PRKACB: variants seen among roughly 807,000 people sequenced by gnomAD.
The protein encoded by PRKACB is cAMP-dependent protein kinase catalytic subunit beta.
In PRKACB, 16 loss-of-function variants were observed where a neutral mutation model predicts 51.4. That is an observed-to-expected ratio of 0.31 (90% CI 0.21 to 0.47). PRKACB has a LOEUF of 0.47. Ranked by LOEUF, PRKACB falls within the 20% of genes least tolerant of loss-of-function variation. The pLI is 1.00. For missense variants in PRKACB, 309 were observed against 464.5 expected, an observed-to-expected ratio of 0.67 and a Z score of 3.08; for synonymous variants, 147 against 154.4, an observed-to-expected ratio of 0.95 and a Z score of 0.35.
chr1:84,191,145 G>C (rs1006355198), intron 5 of PRKACB, among the ~76,000 whole-genome samples: 1 of 151,976 alleles, frequency 6.6e-6, no homozygotes, highest in African/African-American at 2.4e-5. Context: ...GTGTTTTTGT[G>C]GTAGCAGATA....
At chr1:84,187,456 T>G (rs915698318) in intron 5 of PRKACB, among the ~76,000 whole-genome samples, 1 of 152,142 alleles carries the variant, frequency 6.6e-6, no homozygotes, top group Non-Finnish European at 1.5e-5. Context: ...AACATCAACT[T>G]TCTTGGCTTT....
chr1:84,179,553 T>G (rs146770677), intron 2 of PRKACB, among the ~76,000 whole-genome samples: 272 of 151,992 alleles, frequency 1.8e-3, no homozygotes, highest in Middle Eastern at 6.8e-3. Flanking sequence ...ACTTATAATT[T>G]TTATTAATTA....
chr1:84,130,331 T>C lies in PRKACB; in HGVS notation c.47-48846T>C, dbSNP rs577102428. Among the ~76,000 whole-genome samples the C allele has an allele frequency of 2.6e-3, 395 of 152,026 alleles. 3 individuals are homozygous for C. Among genetic ancestry groups the C allele is most frequent in the Non-Finnish European group, 4.8e-3 (323 of 67,974 alleles). ...TCTGGTCCTGCTTTGAGACAAGATA[T>C]ACTCCTAAAACTGCACTCCTGTGTC... On this transcript the variant is annotated intron_variant, in intron 1 of 8. Transcript: ENST00000370688.
chr1:84,187,788 C>A (rs978498613), intron 5 of PRKACB, among the ~76,000 whole-genome samples: 1 of 152,082 alleles, frequency 6.6e-6, no homozygotes, highest in Non-Finnish European at 1.5e-5. Context: ...ACATAGGAAT[C>A]TTGGATTTAA....
intron 5 of PRKACB, among the ~76,000 whole-genome samples, chr1:84,186,796 C>A (rs1338813238): frequency 6.6e-6 from 1 of 152,040 alleles, no homozygotes; most frequent in Non-Finnish European, 1.5e-5. Context: ...ACCTGGGCCA[C>A]ATTCAAGTAA....
chr1:84,136,990 T>G (rs936408177), intron 1 of PRKACB, among the ~76,000 whole-genome samples: 11 of 152,284 alleles, frequency 7.2e-5, no homozygotes, highest in African/African-American at 2.6e-4. Flanking sequence ...GATCTTTTTA[T>G]AAGGGGCTCT....
intron 1 of PRKACB, among the ~76,000 whole-genome samples, chr1:84,080,503 A>G (rs1647440976): frequency 6.6e-6 from 1 of 151,832 alleles, no homozygotes; most frequent in African/African-American, 2.4e-5. Flanking sequence ...TGAAGTGACC[A>G]AAAAAAATAG....
At chr1:84,186,752 G>A (rs114540010) in intron 5 of PRKACB, among the ~76,000 whole-genome samples, 1,896 of 152,182 alleles carry the variant, frequency 0.012, 52 homozygotes, top group African/African-American at 0.044. Flanking sequence ...CCACATATGA[G>A]AGAAGTTATC....
At chr1:84,178,111 CAG>C in intron 1 of PRKACB, among the ~76,000 whole-genome samples, 1 of 151,992 alleles carries the variant, frequency 6.6e-6, no homozygotes, top group South Asian at 2.1e-4. Context: ...TGGTTAGTAA[CAG>C]TATTTTCCCA....
chr1:84,118,522 T>C (rs1650810087), intron 1 of PRKACB, among the ~76,000 whole-genome samples: 1 of 152,060 alleles, frequency 6.6e-6, no homozygotes, highest in African/African-American at 2.4e-5. Context: ...TTCTGGGTGC[T>C]GGGAATAAGA....
At chr1:84,164,207 A>T in intron 1 of PRKACB, 1 of 1,305,178 alleles carries the variant, frequency 7.7e-7, no homozygotes, top group Non-Finnish European at 1.0e-6. Flanking sequence ...TTAAATGGTT[A>T]ACATTTGTGC....
At position 84,110,052 on chromosome 1, in the gene PRKACB, G is replaced by A. The variant is rs375226138; in HGVS notation, c.46+31681G>A. ...CTCTGTTCTTCCCCAAAGTGCATGT[G>A]TATGTGTATGTGTGCATATATACAT... is the stretch of plus-strand genomic sequence containing the variant. On this transcript the variant is annotated intron_variant, in intron 1 of 8. Transcript: ENST00000370688. Among the ~76,000 whole-genome samples the A allele has an allele frequency of 5.7e-4, 86 of 151,894 alleles. 1 individual carries two copies. In the South Asian group the frequency reaches 0.017, roughly 30 times the overall value.
intron 9 of PRKACB, among the ~76,000 whole-genome samples, chr1:84,226,821 G>A (rs1674689601): frequency 6.6e-6 from 1 of 152,034 alleles, no homozygotes; most frequent in African/African-American, 2.4e-5. Flanking sequence ...ATACTTTCAG[G>A]GATCATTTCT....
chr1:84,118,416 T>C (rs1423720796), intron 1 of PRKACB, among the ~76,000 whole-genome samples: 1 of 152,136 alleles, frequency 6.6e-6, no homozygotes, highest in Non-Finnish European at 1.5e-5. Context: ...ATTTTCTAAA[T>C]AGATAATAGA....
chr1:84,187,911 G>A (rs571113489), intron 5 of PRKACB, among the ~76,000 whole-genome samples: 2 of 152,144 alleles, frequency 1.3e-5, no homozygotes, highest in East Asian at 3.9e-4. Flanking sequence ...TTGTAATGCT[G>A]AGAAACCCTT....
chr1:84,169,525 T>C (rs1399987368), intron 1 of PRKACB, among the ~76,000 whole-genome samples: 4 of 151,330 alleles, frequency 2.6e-5, no homozygotes, highest in Non-Finnish European at 4.4e-5. Context: ...TCTCTCCAGA[T>C]AGACCCTAAT....
intron 1 of PRKACB, among the ~76,000 whole-genome samples, chr1:84,137,865 G>T (rs543864589): frequency 6.6e-6 from 1 of 152,244 alleles, no homozygotes; most frequent in East Asian, 1.9e-4. Flanking sequence ...AGCAAGGGGA[G>T]GCAGCTAGAA....
At chr1:84,209,028 A>G (rs1301034294) in intron 8 of PRKACB, among the ~76,000 whole-genome samples, 6 of 152,210 alleles carry the variant, frequency 3.9e-5, no homozygotes. Context: ...AGAATTACCC[A>G]AAGACAAAAG....
intron 5 of PRKACB, among the ~76,000 whole-genome samples, chr1:84,190,022 C>T (rs1257857759): frequency 6.6e-6 from 1 of 151,812 alleles, no homozygotes; most frequent in African/African-American, 2.4e-5. Context: ...CAGTCTTAAT[C>T]TTATAATTTT....
Sources: gnomAD v4.1 joint callset for allele counts (sites outside exome capture counted in the v4.1 genomes callset) on GRCh38, gnomAD v4.1.1 for gene constraint, MANE v1.5 for transcripts, NCBI Gene and HGNC (gene_info 2026-07-23, HGNC 2026-07-21) for gene names.